PCDHGA6: variants seen among roughly 807,000 people sequenced by gnomAD.
The protein encoded by PCDHGA6 is protocadherin gamma subfamily A, 6, also known as protocadherin gamma-A6.
A neutral mutation model predicts 60.6 loss-of-function variants in PCDHGA6; 41 were observed. The observed-to-expected ratio is 0.68, with a 90% CI of 0.53 to 0.88. PCDHGA6 has a LOEUF of 0.88. Ranked by LOEUF, PCDHGA6 falls within the 40% of genes least tolerant of loss-of-function variation. The pLI, the probability that PCDHGA6 is intolerant of heterozygous loss-of-function variation, is 0.00. For missense variants in PCDHGA6, 1,312 were observed against 1,203.0 expected, an observed-to-expected ratio of 1.09 and a Z score of -1.34; for synonymous variants, 594 against 524.4, an observed-to-expected ratio of 1.13 and a Z score of -1.81.
At position 141,487,641 on chromosome 5, in the gene PCDHGA6, T is replaced by C. The variant is rs1343702532; in HGVS notation, c.2425-7166T>C. The stretch of plus-strand genomic sequence containing the variant: ...GTGAGACCTTTGCAGGCTCAACAAA[T>C]GCTTGAGGGTTATTCTGATCCAGGC... On this transcript the variant is annotated intron_variant, in intron 1 of 3. Coordinates refer to ENST00000517434, the MANE Select transcript of PCDHGA6 (RefSeq NM_018919.3). The surrounding 1 kb of genome is among the most constrained non-coding windows in gnomAD (Gnocchi z 5.0). The C allele has an allele frequency of 6.2e-7, 1 of 1,614,122 alleles. No individual in the cohort carries two copies. Among genetic ancestry groups the C allele is most frequent in the Non-Finnish European group, 8.5e-7 (1 of 1,179,998 alleles).
chr5:141,389,449 A>T lies in PCDHGA6; in HGVS notation c.2424+12942A>T, dbSNP rs771507101. The stretch of plus-strand genomic sequence containing the variant: ...GCGCAGCGCGCCTTCGACCACGAGC[A>T]GCTGCGCGCCTTCGAACTCACACTG... On this transcript the variant is annotated intron_variant, in intron 1 of 3. Coordinates refer to ENST00000517434, the MANE Select transcript of PCDHGA6 (RefSeq NM_018919.3). 17 of 1,610,420 alleles carry T rather than the reference A, an allele frequency of 1.1e-5. No individual in the cohort carries two copies. In the African/African-American group the frequency reaches 2.3e-4, roughly 22 times the overall value.
At chr5:141,478,603 A>C (rs116528962) in intron 1 of PCDHGA6, 173 of 1,563,096 alleles carry the variant, frequency 1.1e-4, no homozygotes, top group Non-Finnish European at 1.4e-4. Context: ...CCTACATCAT[A>C]TTGAGGAAGG....
At chr5:141,456,224 A>ACT (rs1167290500) in intron 1 of PCDHGA6, among the ~76,000 whole-genome samples, 1 of 152,034 alleles carries the variant, frequency 6.6e-6, no homozygotes, top group Non-Finnish European at 1.5e-5. Context: ...GCGATATCAA[A>ACT]CTAACTGCTG....
chr5:141,468,528 G>A (rs2154569956), intron 1 of PCDHGA6: 1 of 152,056 alleles, frequency 6.6e-6, no homozygotes, highest in South Asian at 2.1e-4. Context: ...TTTTTTGCAG[G>A]TAGTTTCCTG....
chr5:141,415,811 A>G (rs2095960996), intron 1 of PCDHGA6: 5 of 1,340,748 alleles, frequency 3.7e-6, no homozygotes, highest in South Asian at 1.7e-5. Flanking sequence ...ATCAAGGCCT[A>G]TATATCATAA....
chr5:141,434,877 C>A (rs1266355299), intron 1 of PCDHGA6, among the ~76,000 whole-genome samples: 1 of 151,612 alleles, frequency 6.6e-6, no homozygotes, highest in Non-Finnish European at 1.5e-5. Flanking sequence ...TGACAGATAC[C>A]AACAACAATC....
intron 1 of PCDHGA6, among the ~76,000 whole-genome samples, chr5:141,445,784 G>A (rs2098477494): frequency 6.6e-6 from 1 of 152,168 alleles, no homozygotes; most frequent in Non-Finnish European, 1.5e-5. Flanking sequence ...GGGCTAGGGA[G>A]GCTAGAAACA....
chr5:141,475,761 T>C (rs1430719406), intron 1 of PCDHGA6, among the ~76,000 whole-genome samples: 3 of 152,248 alleles, frequency 2.0e-5, no homozygotes, highest in Admixed American at 6.5e-5. Flanking sequence ...GCACCGATAC[T>C]GGCAAGGCGC....
intron 1 of PCDHGA6, chr5:141,384,267 C>T (rs1170671342): frequency 6.2e-7 from 1 of 1,613,862 alleles, no homozygotes; most frequent in East Asian, 2.2e-5. Context: ...CCCACTCATC[C>T]TACTCAGTCT....
intron 1 of PCDHGA6, among the ~76,000 whole-genome samples, chr5:141,382,053 TC>T (rs1158430534): frequency 6.6e-6 from 1 of 151,934 alleles, no homozygotes; most frequent in Non-Finnish European, 1.5e-5. Flanking sequence ...GGTCTCAAGC[TC>T]CCGACCTCAG....
rs1331251272 is a variant in PCDHGA6 at position 141,394,996 on chromosome 5, C to G, written c.2424+18489C>G. The G allele has an allele frequency of 3.1e-6, 5 of 1,614,034 alleles. No individual in the cohort carries two copies. In the South Asian group the frequency reaches 5.5e-5, roughly 18 times the overall value. On this transcript the variant is annotated intron_variant, in intron 1 of 3. Coordinates refer to ENST00000517434, the MANE Select transcript of PCDHGA6 (RefSeq NM_018919.3). ...CACAAGTCACGCCTGCTCCAGGATTCCGGTGGCAGATTGGTAGGCGTGCCT... is the reference window on the plus strand; with the variant it reads ...CACAAGTCACGCCTGCTCCAGGATTGCGGTGGCAGATTGGTAGGCGTGCCT...
At chr5:141,376,676 G>GTTTTTTTTTTTTTTTTTTTTTTT (rs67197835) in intron 1 of PCDHGA6, 169 bp downstream of exon 1, 2 of 275,812 alleles carry the variant, frequency 7.3e-6, no homozygotes, top group Admixed American at 6.8e-5. Context: ...TGAGGGTATC[G>GTTTTTTTTTTTTTTTTTTTTTTT]TTTTTTTTTT....
rs768265171 is a variant in PCDHGA6, at chr5:141,432,847, G to T, written c.2424+56340G>T. The T allele has an allele frequency of 6.2e-7, 1 of 1,614,180 alleles. No homozygotes were observed. On this transcript the variant is annotated intron_variant, in intron 1 of 3. Transcript: ENST00000517434. The surrounding 1 kb of genome is among the most constrained non-coding windows in gnomAD (Gnocchi z 6.0). ...ACCTCACTCTGTACCTGGTGGTAGC[G>T]GTGGCCGCGGTCTCCTGCGTCTTCC...
chr5:141,404,227 A>G, intron 1 of PCDHGA6: 3 of 1,613,818 alleles, frequency 1.9e-6, no homozygotes, highest in East Asian at 2.2e-5. Context: ...TGACTGCAAC[A>G]GACAGAGGAA....
Position 141,374,616 on chromosome 5 carries a change from T to G in PCDHGA6, c.533T>G (p.Phe178Cys). The G allele has an allele frequency of 6.2e-7, 1 of 1,613,518 alleles. No individual in the cohort carries two copies. Among genetic ancestry groups the G allele is most frequent in the South Asian group, 1.1e-5 (1 of 91,052 alleles). The change falls in exon 1 of 4, where the codon TTC becomes TGC. Residue 178 changes from phenylalanine to cysteine, a missense_variant. Transcript: ENST00000517434. ...TTTAAGCTCAGTGGTAATAGTCACTTCTCAGTGGACGTGCAAAGCGAAGCC... is the reference window on the plus strand; with the variant it reads ...TTTAAGCTCAGTGGTAATAGTCACTGCTCAGTGGACGTGCAAAGCGAAGCC... Reference protein sequence around the residue: ...QGFKLSGNSHFSVDVQSEAHG... With the variant: ...QGFKLSGNSHCSVDVQSEAHG...
Position 141,476,605 on chromosome 5 carries a change from T to C in PCDHGA6, c.2425-18202T>C, listed in dbSNP as rs1394742940. ...CGCTCGAGAGCGCGCACGATCCCGATGTGGGAAGCAACTCTTTACAAACCT... is the reference window on the plus strand; with the variant it reads ...CGCTCGAGAGCGCGCACGATCCCGACGTGGGAAGCAACTCTTTACAAACCT... On this transcript the variant is annotated intron_variant, in intron 1 of 3. Transcript: ENST00000517434. This position sits in a 1 kb window ranked among gnomAD's most constrained non-coding sequence, Gnocchi z 7.6. 1.9e-6 allele frequency: 3 copies of C among 1,614,066 alleles called. No individual in the cohort carries two copies. In the East Asian group the frequency reaches 6.7e-5, roughly 36 times the overall value.
chr5:141,410,779 T>C, intron 1 of PCDHGA6: 4 of 947,572 alleles, frequency 4.2e-6, no homozygotes, highest in Non-Finnish European at 6.0e-6. Flanking sequence ...TTTCACTATG[T>C]ATTTGGTTCA....
chr5:141,438,895 A>C (rs2098073582), intron 1 of PCDHGA6, among the ~76,000 whole-genome samples: 1 of 151,640 alleles, frequency 6.6e-6, no homozygotes, highest in Non-Finnish European at 1.5e-5. Flanking sequence ...TGAACTCCTG[A>C]CCTCAGGTGA....
chr5:141,408,336 C>A, intron 1 of PCDHGA6: 1 of 1,613,910 alleles, frequency 6.2e-7, no homozygotes, highest in Non-Finnish European at 8.5e-7. Flanking sequence ...GCCAAGGGCT[C>A]GGTGGTGGGG....
Sources: allele counts gnomAD v4.1 joint callset (sites outside exome capture counted in the v4.1 genomes callset), GRCh38; gene constraint gnomAD v4.1.1; non-coding constraint Gnocchi (gnomAD v3.1); transcripts MANE v1.5; gene names NCBI Gene and HGNC (gene_info 2026-07-23, HGNC 2026-07-21).